CEP85L: variants seen among roughly 807,000 people sequenced by gnomAD.
CEP85L encodes the protein centrosomal protein of 85 kDa-like.
In CEP85L, 60 loss-of-function variants were observed where a neutral mutation model predicts 100.3. That is an observed-to-expected ratio of 0.60 (90% CI 0.49 to 0.74). The LOEUF is 0.74. CEP85L is among the 30% of genes least tolerant of loss of function. The probability of loss-of-function intolerance (pLI) is 0.00; values close to 1 mark genes in which losing one functional copy is unlikely to be tolerated. For missense variants in CEP85L, 973 were observed against 936.2 expected, an observed-to-expected ratio of 1.04 and a Z score of -0.51; for synonymous variants, 319 against 322.7, an observed-to-expected ratio of 0.99 and a Z score of 0.12.
rs548937187 is a variant in CEP85L, at chr6:118,562,682, G to A, written c.1020+2847C>T. On this transcript the variant is annotated intron_variant, in intron 3 of 12. Coordinates refer to ENST00000368491, the MANE Select transcript of CEP85L (RefSeq NM_001042475.3). ...GGTCCAAATTTTTTGTTTATACAAGGGAAAATCTCCAGTAAAATATGTATA... is the reference window on the plus strand; with the variant it reads ...GGTCCAAATTTTTTGTTTATACAAGAGAAAATCTCCAGTAAAATATGTATA... Among the ~76,000 whole-genome samples the A allele has an allele frequency of 1.1e-3, 174 of 152,054 alleles. 1 individual carries two copies. Among genetic ancestry groups the A allele is most frequent in the African/African-American group, 3.7e-3 (155 of 41,466 alleles).
At chr6:118,608,339 C>T (rs1772378424) in intron 2 of CEP85L, among the ~76,000 whole-genome samples, 1 of 151,898 alleles carries the variant, frequency 6.6e-6, no homozygotes, top group African/African-American at 2.4e-5. Context: ...ACTAAAAATA[C>T]AAAAAATTAG....
In CEP85L at chr6:118,565,880, T is replaced by C. The variant is rs199584331; in HGVS notation, c.669A>G (p.Ser223=). ...ATTTATACTTGCAGTCCAGAGTTGA[T>C]GACCGTTTTTTATTTATTTCCTTGT... ...LEDKEINKKR[S]STLDCKYKFE... Residue 223 remains serine (S), a synonymous_variant, in exon 3 of 13, where the codon TCA becomes TCG. Transcript: ENST00000368491. 1.7e-5 allele frequency: 27 copies of C among 1,614,012 alleles called. No individual in the cohort carries two copies. Among genetic ancestry groups the C allele is most frequent in the Non-Finnish European group, 2.1e-5 (25 of 1,180,030 alleles).
chr6:118,607,950 A>G (rs898812507), intron 2 of CEP85L, among the ~76,000 whole-genome samples: 1 of 152,118 alleles, frequency 6.6e-6, no homozygotes, highest in Non-Finnish European at 1.5e-5. Flanking sequence ...AGACCCCAAG[A>G]GAGGGTTCCT....
chr6:118,622,888 C>G (rs1409608246), intron 2 of CEP85L, among the ~76,000 whole-genome samples: 1 of 152,204 alleles, frequency 6.6e-6, no homozygotes, highest in African/African-American at 2.4e-5. Flanking sequence ...GCAGGACTTC[C>G]CTTTAGAAGT....
intron 3 of CEP85L, among the ~76,000 whole-genome samples, chr6:118,540,312 T>A (rs1267225295): frequency 2.0e-5 from 3 of 152,194 alleles, no homozygotes; most frequent in Non-Finnish European, 4.4e-5. Context: ...CACCTGACAA[T>A]GTTTATTAAC....
chr6:118,491,585 T>C lies in CEP85L; in HGVS notation c.1437+101A>G, dbSNP rs1200644242. The C allele has an allele frequency of 4.0e-6, 6 of 1,493,764 alleles. No homozygotes were observed. In the East Asian group the frequency reaches 9.8e-5, roughly 24 times the overall value. 92.5% of individuals were successfully genotyped at this position (1,493,764 alleles called of 1,614,324 possible). ...AATTAATCACCTCCACATAAATGTA[T>C]ACATAACCTGGCATGACACCTGACA... is the stretch of plus-strand genomic sequence containing the variant. On this transcript the variant is annotated intron_variant, in intron 6 of 12. Transcript: ENST00000368491.
intron 1 of CEP85L, among the ~76,000 whole-genome samples, chr6:118,680,219 G>A (rs974654130): frequency 1.1e-4 from 16 of 149,274 alleles, no homozygotes; most frequent in African/African-American, 3.7e-4. Context: ...CTTGAGCCCA[G>A]GAGGACAAAG....
At chr6:118,479,108 A>G (rs569582791) in intron 10 of CEP85L, among the ~76,000 whole-genome samples, 2 of 152,294 alleles carry the variant, frequency 1.3e-5, no homozygotes, top group South Asian at 4.1e-4. Context: ...TGGCTTATGG[A>G]ACAGCTGAAG....
intron 3 of CEP85L, among the ~76,000 whole-genome samples, chr6:118,558,648 CACACACACACACAG>C (rs1357136180): frequency 1.5e-4 from 20 of 137,260 alleles, no homozygotes; most frequent in African/African-American, 5.5e-4. Context: ...CACACACACA[CACACACACACACAG>C]AGAGAGAGAG....
intron 2 of CEP85L, among the ~76,000 whole-genome samples, chr6:118,598,802 G>C (rs1010489981): frequency 6.6e-6 from 1 of 152,270 alleles, no homozygotes; most frequent in East Asian, 1.9e-4. Flanking sequence ...ACTAATACAG[G>C]GGAGTAGAGG....
intron 4 of CEP85L, among the ~76,000 whole-genome samples, chr6:118,518,081 G>A (rs1055044101): frequency 5.6e-4 from 85 of 152,266 alleles, no homozygotes; most frequent in Admixed American, 2.2e-3. Flanking sequence ...GGATGACGCC[G>A]ACTTGTTTGT....
intron 1 of CEP85L, among the ~76,000 whole-genome samples, chr6:118,664,049 C>T (rs952971772): frequency 2.0e-5 from 3 of 151,796 alleles, no homozygotes; most frequent in Non-Finnish European, 4.4e-5. Flanking sequence ...GAACGCACCA[C>T]TATGCCTGCC....
chr6:118,529,466 T>G (rs373871205), intron 3 of CEP85L, among the ~76,000 whole-genome samples: 19 of 151,682 alleles, frequency 1.3e-4, no homozygotes, highest in African/African-American at 4.6e-4. Context: ...AAATTAGCTG[T>G]GCATGGTGGT....
At chr6:118,604,629 G>A (rs1772057582) in intron 2 of CEP85L, among the ~76,000 whole-genome samples, 1 of 152,136 alleles carries the variant, frequency 6.6e-6, no homozygotes, top group African/African-American at 2.4e-5. Flanking sequence ...AATTTTAATT[G>A]TGTTACTAGG....
At chr6:118,613,212 G>C (rs184288229) in intron 2 of CEP85L, among the ~76,000 whole-genome samples, 1 of 150,404 alleles carries the variant, frequency 6.6e-6, no homozygotes, top group Admixed American at 6.6e-5. Flanking sequence ...ACTCCGTCTC[G>C]AAAAAAAGAA....
intron 6 of CEP85L, among the ~76,000 whole-genome samples, chr6:118,485,812 T>A (rs12215706): frequency 0.029 from 4,492 of 152,340 alleles, 109 homozygotes; most frequent in African/African-American, 0.056. Flanking sequence ...AGCCTGCTCT[T>A]GCCTTAGCAA....
chr6:118,635,216 T>C (rs1774419166), intron 1 of CEP85L, among the ~76,000 whole-genome samples: 1 of 152,224 alleles, frequency 6.6e-6, no homozygotes, highest in South Asian at 2.1e-4. Context: ...AGTAAATGCC[T>C]ATGAACAAAA....
chr6:118,470,679 G>A (rs986477638), intron 10 of CEP85L, 35 bp from the exon 11 acceptor site: 3 of 1,213,068 alleles, frequency 2.5e-6, no homozygotes, highest in African/African-American at 1.5e-5. Context: ...AGCAAAACAG[G>A]TTAACATGTA....
At chr6:118,605,928 C>T (rs2115196073) in intron 2 of CEP85L, among the ~76,000 whole-genome samples, 1 of 151,002 alleles carries the variant, frequency 6.6e-6, no homozygotes, top group Admixed American at 6.6e-5. Flanking sequence ...GCAGGAGAAT[C>T]GCTTGAACCC....
Sources: allele counts gnomAD v4.1 joint callset (sites outside exome capture counted in the v4.1 genomes callset), GRCh38; gene constraint gnomAD v4.1.1; transcripts MANE v1.5; gene names NCBI Gene and HGNC (gene_info 2026-07-23, HGNC 2026-07-21).